The following NAA40 variants were observed in gnomAD, a reference collection of about 807,000 sequenced individuals.
The protein encoded by NAA40 is N-alpha-acetyltransferase 40, NatD catalytic subunit.
A neutral mutation model predicts 36.6 loss-of-function variants in NAA40; 26 were observed. The ratio of observed to expected loss-of-function variants is 0.71; its 90% confidence interval spans 0.52 to 0.98. NAA40 has a LOEUF of 0.98. Ranked by LOEUF, NAA40 falls within the 50% of genes least tolerant of loss-of-function variation. NAA40 has a pLI of 0.00. For synonymous variants in NAA40, 129 were observed against 108.4 expected, an observed-to-expected ratio of 1.19 and a Z score of -1.18; for missense variants, 237 against 306.5, an observed-to-expected ratio of 0.77 and a Z score of 1.69.
intron 1 of NAA40, among the ~76,000 whole-genome samples, chr11:63,942,612 T>C (rs1382448042): frequency 6.6e-6 from 1 of 152,258 alleles, no homozygotes; most frequent in African/African-American, 2.4e-5. Context: ...TACTGTTCAC[T>C]GTGCTTATTA....
rs1178995447 is a variant in NAA40, at chr11:63,955,311, G to C, written c.*832G>C. The C allele has an allele frequency of 2.0e-5, 3 of 152,614 alleles. No individual in the cohort carries two copies. Among genetic ancestry groups the C allele is most frequent in the Admixed American group, 6.5e-5 (1 of 15,272 alleles). 9.5% of individuals were successfully genotyped at this position (152,614 alleles called of 1,614,324 possible). A position where few individuals can be genotyped will look rare whatever the true frequency, so the allele number is the denominator to read the frequency against. On this transcript the variant is annotated 3_prime_UTR_variant, in exon 8 of 8. Coordinates refer to ENST00000377793, the MANE Select transcript of NAA40 (RefSeq NM_024771.4). Reference sequence around the variant, plus strand: ...AGGTTCTGCTTGTTCTTGTCTGCCAGCCCTCGTCGTTCTTTCTCCTCTGCC... The same window carrying C: ...AGGTTCTGCTTGTTCTTGTCTGCCACCCCTCGTCGTTCTTTCTCCTCTGCC...
chr11:63,947,406 T>TCAAAA (rs141435308), intron 3 of NAA40, among the ~76,000 whole-genome samples: 8,423 of 150,686 alleles, frequency 0.056, 806 homozygotes, highest in African/African-American at 0.19. Flanking sequence ...AAACTCCATC[T>TCAAAA]CAAAACAAAA....
At chr11:63,945,091 G>C (rs555369157) in intron 1 of NAA40, among the ~76,000 whole-genome samples, 8 of 152,120 alleles carry the variant, frequency 5.3e-5, no homozygotes, top group Non-Finnish European at 7.3e-5. Context: ...TTTGCCATTC[G>C]CTGCTCTATG....
In NAA40 at chr11:63,951,145, C is replaced by T. The variant is rs1041664710; in HGVS notation, c.156-1093C>T. ...CAAAGGTCACTGAAAGGTATTGATA[C>T]GGGAGCTCTTTAAAGGCTTAGAGTT... On this transcript the variant is annotated intron_variant, in intron 3 of 7. Coordinates refer to ENST00000377793, the MANE Select transcript of NAA40 (RefSeq NM_024771.4). Among the ~76,000 whole-genome samples, 10 of 152,168 alleles carry T rather than the reference C, an allele frequency of 6.6e-5. No homozygotes were observed. In the East Asian group the frequency reaches 7.7e-4, roughly 12 times the overall value.
In NAA40 at chr11:63,954,656, T is replaced by A; in HGVS notation, c.*177T>A. ...GTGGTATCAGCTGCTCCTCCTCTCC[T>A]AGGAGACCAGAGTGCTAGAAGGGAA... On this transcript the variant is annotated 3_prime_UTR_variant, in exon 8 of 8. Coordinates refer to ENST00000377793, the MANE Select transcript of NAA40 (RefSeq NM_024771.4). 1 of 564,106 alleles carries A rather than the reference T, an allele frequency of 1.8e-6. No individual in the cohort carries two copies. Among genetic ancestry groups the A allele is most frequent in the Non-Finnish European group, 2.8e-6 (1 of 353,272 alleles). The allele number at this position is 564,106 out of a possible 1,614,324, so 34.9% of individuals were successfully genotyped here. A position where few individuals can be genotyped will look rare whatever the true frequency, so the allele number is the denominator to read the frequency against.
intron 5 of NAA40, 28 bp downstream of exon 5, chr11:63,952,593 G>T: frequency 1.9e-6 from 3 of 1,611,074 alleles, no homozygotes; most frequent in Non-Finnish European, 2.5e-6. Context: ...GGGGAGGTAG[G>T]GGAGAGAGAC....
intron 3 of NAA40, among the ~76,000 whole-genome samples, chr11:63,948,256 A>G (rs1371071893): frequency 6.6e-6 from 1 of 152,192 alleles, no homozygotes; most frequent in Non-Finnish European, 1.5e-5. Context: ...ATGCATGGGA[A>G]ACTGAGGCCC....
chr11:63,945,848 A>C lies in NAA40; in HGVS notation c.15A>C (p.Ser5=). The C allele has an allele frequency of 6.2e-7, 1 of 1,614,136 alleles. No homozygotes were observed. Among genetic ancestry groups the C allele is most frequent in the Admixed American group, 1.7e-5 (1 of 60,006 alleles). Residue 5 remains serine, a synonymous_variant, in exon 2 of 8, where the codon TCA becomes TCC. Transcript: ENST00000377793. ...GCTTTTCCCTGTTGCAGAGAAAGTCAAGCAAAGCCAAGGAGAAGAAGCAGA... is the reference window on the plus strand; with the variant it reads ...GCTTTTCCCTGTTGCAGAGAAAGTCCAGCAAAGCCAAGGAGAAGAAGCAGA... The part of the protein sequence containing the change: MGRK[S]SKAKEKKQKR...
At chr11:63,941,729 T>G (rs1447512513) in intron 1 of NAA40, among the ~76,000 whole-genome samples, 2 of 152,096 alleles carry the variant, frequency 1.3e-5, no homozygotes, top group Non-Finnish European at 2.9e-5. Context: ...CTTTTTTCTG[T>G]TTTTAGTAGA....
intron 3 of NAA40, chr11:63,952,023 T>G: frequency 2.0e-6 from 1 of 510,942 alleles, no homozygotes; most frequent in Non-Finnish European, 3.5e-6. Flanking sequence ...GGCCTTGTGG[T>G]TGGGGGGTGG....
chr11:63,954,761 G>C lies in NAA40; in HGVS notation c.*282G>C. 1 of 295,620 alleles carries C rather than the reference G, an allele frequency of 3.4e-6. No individual in the cohort carries two copies. Among genetic ancestry groups the C allele is most frequent in the South Asian group, 1.2e-4 (1 of 8,104 alleles). The allele number at this position is 295,620 out of a possible 1,614,324, so 18.3% of individuals were successfully genotyped here. A position where few individuals can be genotyped will look rare whatever the true frequency, so the allele number is the denominator to read the frequency against. On this transcript the variant is annotated 3_prime_UTR_variant, in exon 8 of 8. Transcript: ENST00000377793. Reference sequence around the variant, plus strand: ...GTGGCTGCCTCCTCATTTGGCTCCTGGGGCCTGCAGTGGAGGTTCTCGCAC... The same window carrying C: ...GTGGCTGCCTCCTCATTTGGCTCCTCGGGCCTGCAGTGGAGGTTCTCGCAC...
chr11:63,945,771 C>T, intron 1 of NAA40, 69 bp from the exon 2 acceptor site: 1 of 1,388,948 alleles, frequency 7.2e-7, no homozygotes, highest in Non-Finnish European at 1.0e-6. Context: ...CCCTTCGATT[C>T]CTTAAAGGGA....
chr11:63,948,470 G>A (rs1430584718), intron 3 of NAA40, among the ~76,000 whole-genome samples: 3 of 152,122 alleles, frequency 2.0e-5, no homozygotes, highest in South Asian at 2.1e-4. Context: ...TGTAATCTCA[G>A]CACTTTGGGA....
Position 63,952,213 on chromosome 11 carries a change from C to T in NAA40, c.156-25C>T, listed in dbSNP as rs202036367. 47 of 1,565,690 alleles carry T rather than the reference C, an allele frequency of 3.0e-5. No homozygotes were observed. The African/African-American group carries it at 4.5e-4, about 15-fold the overall frequency. ...CTGGCAGGAGTGCTGTAACCAATTCCGTACACGTCCTGTCCTCTTCTCAGG... is the reference window on the plus strand; with the variant it reads ...CTGGCAGGAGTGCTGTAACCAATTCTGTACACGTCCTGTCCTCTTCTCAGG... On this transcript the variant is annotated intron_variant, in intron 3 of 7. Transcript: ENST00000377793.
intron 3 of NAA40, among the ~76,000 whole-genome samples, chr11:63,948,137 G>C (rs998445449): frequency 6.6e-6 from 1 of 152,210 alleles, no homozygotes; most frequent in Admixed American, 6.5e-5. Flanking sequence ...TTACAGGTGT[G>C]AGCCACCGCG....
intron 1 of NAA40, 30 bp downstream of exon 1, chr11:63,939,132 G>A: frequency 6.3e-7 from 1 of 1,585,126 alleles, no homozygotes; most frequent in Non-Finnish European, 8.6e-7. Context: ...GAGATGGGAG[G>A]TCCAGGGGCG....
At position 63,956,585 on chromosome 11, in the gene NAA40, ACTAT is replaced by A. The variant is rs912753260; in HGVS notation, c.*2109_*2112del. On this transcript the variant is annotated 3_prime_UTR_variant, in exon 8 of 8. Coordinates refer to ENST00000377793, the MANE Select transcript of NAA40 (RefSeq NM_024771.4). The stretch of plus-strand genomic sequence containing the variant: ...AGGTCGGGACTAGGGTGGGAGAGGC[ACTAT>A]CTGAGACCTGCAATCACTCTTGTTG... The A allele has an allele frequency of 2.0e-5, 3 of 152,570 alleles. No individual in the cohort carries two copies. The highest frequency in any genetic ancestry group is 4.8e-5 in the African/African-American group (2 of 41,402). The allele number at this position is 152,570 out of a possible 1,614,324, so 9.5% of individuals were successfully genotyped here. A position where few individuals can be genotyped will look rare whatever the true frequency, so the allele number is the denominator to read the frequency against.
intron 7 of NAA40, 30 bp from the exon 8 acceptor site, chr11:63,954,308 A>G (rs1942328451): frequency 1.3e-6 from 2 of 1,562,558 alleles, no homozygotes; most frequent in Admixed American, 1.9e-5. Flanking sequence ...GCTGCCTGCC[A>G]CCAACCCTTT....
chr11:63,947,489 C>T (rs1003000442), intron 3 of NAA40, among the ~76,000 whole-genome samples: 6 of 152,180 alleles, frequency 3.9e-5, no homozygotes, highest in African/African-American at 1.4e-4. Context: ...GGTAGGGTGG[C>T]AGAAGAATCC....
Sources: allele counts gnomAD v4.1 joint callset (sites outside exome capture counted in the v4.1 genomes callset), GRCh38; gene constraint gnomAD v4.1.1; transcripts MANE v1.5; gene names NCBI Gene and HGNC (gene_info 2026-07-23, HGNC 2026-07-21).